The following AOX1 variants were observed in gnomAD, a reference collection of about 807,000 sequenced individuals.
AOX1 encodes aldehyde oxidase.
AOX1 carries 153 observed loss-of-function variants against 169.5 expected under a neutral mutation model. The observed-to-expected ratio is 0.90, with a 90% CI of 0.79 to 1.03. AOX1 has a LOEUF of 1.03. AOX1 is among the 50% of genes least tolerant of loss of function. AOX1 has a pLI of 0.00. For missense variants in AOX1, 1,656 were observed against 1,663.9 expected (o/e 1.00, Z 0.08); for synonymous variants, 562 against 581.9 (o/e 0.97, Z 0.49).
Position 200,597,416 on chromosome 2 carries a change from T to G in AOX1, c.220T>G (p.Cys74Gly). 4 of 1,608,852 alleles carry G rather than the reference T, an allele frequency of 2.5e-6. No individual in the cohort carries two copies. The highest frequency in any genetic ancestry group is 2.2e-5 in the East Asian group (1 of 44,770). The change falls in exon 4 of 35, where the codon TGT (cysteine) becomes GGT (glycine). Residue 74 changes from cysteine (C) to glycine (G), a missense_variant. Coordinates refer to ENST00000374700, the MANE Select transcript of AOX1 (RefSeq NM_001159.4). The part of the protein sequence containing the change: ...KRIRHHPANA[C>G]LIPICSLYGA... The stretch of plus-strand genomic sequence containing the variant: ...CTGAAGGCATCACCCAGCCAATGCC[T>G]GTCTGATTCCCATCTGTTCTCTGTA...
chr2:200,627,680 C>T (rs571410435), intron 20 of AOX1, among the ~76,000 whole-genome samples: 38 of 152,142 alleles, frequency 2.5e-4, no homozygotes, highest in African/African-American at 9.2e-4. Context: ...CCCTGACCCC[C>T]CTTCCCTCAT....
chr2:200,636,249 C>G (rs2035230108), intron 21 of AOX1, among the ~76,000 whole-genome samples: 1 of 151,412 alleles, frequency 6.6e-6, no homozygotes, highest in African/African-American at 2.4e-5. Flanking sequence ...CGGCCTCAGC[C>G]TCCTGAGCAG....
At chr2:200,669,485 A>T in intron 33 of AOX1, 90 bp from the exon 34 acceptor site, 1 of 1,402,478 alleles carries the variant, frequency 7.1e-7, no homozygotes, top group Non-Finnish European at 9.8e-7. Flanking sequence ...AGTACGTAAT[A>T]TTTTTATATA....
chr2:200,677,020 C>A (rs2105783857), exon 5 of AOX1: 1 of 431,636 alleles, frequency 2.3e-6, no homozygotes, highest in Non-Finnish European at 4.7e-6. Context: ...AATGGAAGAA[C>A]AGTAAGTTTT....
At chr2:200,623,058 ATGT>A (rs1274964004) in intron 18 of AOX1, among the ~76,000 whole-genome samples, 1 of 152,080 alleles carries the variant, frequency 6.6e-6, no homozygotes, top group African/African-American at 2.4e-5. Flanking sequence ...AAACTACTTT[ATGT>A]TCATTGTGGA....
intron 18 of AOX1, among the ~76,000 whole-genome samples, chr2:200,623,039 TC>T (rs1298556889): frequency 6.6e-6 from 1 of 152,322 alleles, no homozygotes; most frequent in Non-Finnish European, 1.5e-5. Context: ...TGCCTTTTTT[TC>T]GATGATAAAA....
At chr2:200,649,759 C>G (rs1194105095) in intron 25 of AOX1, among the ~76,000 whole-genome samples, 1 of 152,136 alleles carries the variant, frequency 6.6e-6, no homozygotes, top group African/African-American at 2.4e-5. Flanking sequence ...TCTCTCAGCC[C>G]CTTCTCCTCC....
chr2:200,620,578 A>G, intron 16 of AOX1, 72 bp from the exon 17 acceptor site: 2 of 1,313,224 alleles, frequency 1.5e-6, no homozygotes, highest in Non-Finnish European at 2.0e-6. Flanking sequence ...TTCTTATGGG[A>G]AATGTGCATA....
rs1267600001 is a variant in AOX1, at chr2:200,604,685, T to G, written c.670-11T>G. The G allele has an allele frequency of 1.9e-6, 3 of 1,613,850 alleles. No individual in the cohort carries two copies. In the East Asian group the frequency reaches 6.7e-5, roughly 36 times the overall value. ...ATTGGGTACCTTGAATCCCTATTGC[T>G]TTTTCAATAGATAATGGCTGAGAAA... is the stretch of plus-strand genomic sequence containing the variant. On this transcript the variant is annotated splice_polypyrimidine_tract_variant and intron_variant, in intron 8 of 34. Transcript: ENST00000374700.
intron 14 of AOX1, among the ~76,000 whole-genome samples, chr2:200,613,042 G>C (rs961591593): frequency 1.1e-4 from 16 of 151,438 alleles, no homozygotes; most frequent in Admixed American, 5.3e-4. Context: ...GAGAGAGAGA[G>C]AGACAGACAG....
At chr2:200,620,203 T>TTTTTTTTTTTTTTTTTTTTTG in intron 16 of AOX1, among the ~76,000 whole-genome samples, 1 of 148,260 alleles carries the variant, frequency 6.7e-6, no homozygotes, top group Non-Finnish European at 1.5e-5. Context: ...TAGTGACTTT[T>TTTTTTTTTTTTTTTTTTTTTG]TTTTTTTTTT....
chr2:200,661,416 A>G (rs1024902301), intron 29 of AOX1, among the ~76,000 whole-genome samples, 163 bp from the exon 30 acceptor site: 1 of 152,258 alleles, frequency 6.6e-6, no homozygotes, highest in African/African-American at 2.4e-5. Flanking sequence ...ACAAGCCGTG[A>G]ACCACAGAGG....
chr2:200,668,542 T>C, intron 32 of AOX1, 73 bp from the exon 33 acceptor site: 1 of 1,310,506 alleles, frequency 7.6e-7, no homozygotes, highest in South Asian at 1.4e-5. Context: ...GCAAACAGCA[T>C]GAAGTTGAAA....
Position 200,609,421 on chromosome 2 carries a change from G to C in AOX1, c.1153+7G>C, listed in dbSNP as rs1160011892. The C allele has an allele frequency of 1.2e-6, 2 of 1,610,750 alleles. No homozygotes were observed. The highest frequency in any genetic ancestry group is 3.3e-5 in the Admixed American group (2 of 59,976). ...CTCAACTTGCTATCAAAAGGTAAGT[G>C]ACAGCCCCTACTTGGAGATTATTAA... On this transcript the variant is annotated splice_region_variant and intron_variant, in intron 12 of 34. Coordinates refer to ENST00000374700, the MANE Select transcript of AOX1 (RefSeq NM_001159.4).
intron 23 of AOX1, among the ~76,000 whole-genome samples, chr2:200,640,182 C>T (rs1456738441): frequency 6.6e-6 from 1 of 152,032 alleles, no homozygotes; most frequent in Non-Finnish European, 1.5e-5. Context: ...GAACACAGAG[C>T]ACTTCCTGGA....
intron 25 of AOX1, among the ~76,000 whole-genome samples, chr2:200,646,222 C>T (rs572076586): frequency 1.1e-4 from 16 of 152,120 alleles, no homozygotes; most frequent in Admixed American, 3.9e-4. Context: ...CTCTTAGCAC[C>T]GCGTTTGCTG....
At chr2:200,592,939 A>G (rs1191382991) in intron 1 of AOX1, among the ~76,000 whole-genome samples, 1 of 152,186 alleles carries the variant, frequency 6.6e-6, no homozygotes, top group Non-Finnish European at 1.5e-5. Flanking sequence ...TTCAGGACCA[A>G]GGACAGGAGC....
chr2:200,657,202 T>A (rs2035714230), intron 27 of AOX1, among the ~76,000 whole-genome samples: 1 of 120,220 alleles, frequency 8.3e-6, no homozygotes, highest in Non-Finnish European at 1.8e-5. Context: ...TTTTTTTTTT[T>A]TTTAATTAGC....
intron 1 of AOX1, among the ~76,000 whole-genome samples, chr2:200,586,519 C>G (rs1023687907): frequency 6.6e-6 from 1 of 152,204 alleles, no homozygotes; most frequent in East Asian, 1.9e-4. Flanking sequence ...CAATCCCAGC[C>G]GATAACGGGA....
Sources: gnomAD v4.1 joint callset for allele counts (sites outside exome capture counted in the v4.1 genomes callset) on GRCh38, gnomAD v4.1.1 for gene constraint, MANE v1.5 for transcripts, NCBI Gene and HGNC (gene_info 2026-07-23, HGNC 2026-07-21) for gene names.